The following ATP5MF variants were observed in gnomAD, a reference collection of about 807,000 sequenced individuals.
The protein encoded by ATP5MF is ATP synthase membrane subunit f.
In ATP5MF, 10 loss-of-function variants were observed where a neutral mutation model predicts 13.8. That is an observed-to-expected ratio of 0.72 (90% CI 0.45 to 1.23). The LOEUF is 1.23. Ranked by LOEUF, ATP5MF falls within the 50% of genes most tolerant of loss-of-function variation. The pLI, the probability that ATP5MF is intolerant of heterozygous loss-of-function variation, is 0.00. For missense variants in ATP5MF, 122 were observed against 118.2 expected (o/e 1.03, Z -0.15); for synonymous variants, 40 against 45.8 (o/e 0.87, Z 0.51).
At chr7:99,461,335 G>T (rs1368371684) in intron 1 of ATP5MF, among the ~76,000 whole-genome samples, 2 of 152,184 alleles carry the variant, frequency 1.3e-5, no homozygotes, top group African/African-American at 4.8e-5. Context: ...TCAACCTCCT[G>T]AACAGCTGGG....
intron 3 of ATP5MF, 194 bp downstream of exon 3, chr7:99,458,953 C>T (rs1267133564): frequency 9.0e-6 from 5 of 557,490 alleles, no homozygotes; most frequent in African/African-American, 5.7e-5. Flanking sequence ...CTCTTTGTCA[C>T]AATTTTCTCA....
chr7:99,460,943 A>C (rs1285132300), intron 1 of ATP5MF, among the ~76,000 whole-genome samples: 1 of 152,200 alleles, frequency 6.6e-6, no homozygotes, highest in African/African-American at 2.4e-5. Context: ...ATTTCCAGAG[A>C]TAAAAATAAG....
At chr7:99,459,809 C>G (rs980514255) in intron 2 of ATP5MF, 2 of 392,742 alleles carry the variant, frequency 5.1e-6, no homozygotes, top group African/African-American at 4.2e-5. Context: ...ATTCATTTTC[C>G]TCTTAAAGAA....
intron 1 of ATP5MF, among the ~76,000 whole-genome samples, chr7:99,463,466 T>C (rs544853639): frequency 2.0e-4 from 30 of 152,040 alleles, no homozygotes; most frequent in Non-Finnish European, 4.1e-4. Context: ...ATCTCTATAA[T>C]AAATAAAATA....
At chr7:99,462,477 C>CA (rs1449099967) in intron 1 of ATP5MF, among the ~76,000 whole-genome samples, 3 of 141,696 alleles carry the variant, frequency 2.1e-5, no homozygotes, top group African/African-American at 7.9e-5. Context: ...CAAAAACAAA[C>CA]AAAAACCTAA....
At position 99,466,109 on chromosome 7, in the gene ATP5MF, A is replaced by T; in HGVS notation, c.31+2T>A. ...TCCACCACGGAGTCCAAACAGCCTTACCTGGGGCCGGACACTCACCAACTG... is the reference window on the plus strand; with the variant it reads ...TCCACCACGGAGTCCAAACAGCCTTTCCTGGGGCCGGACACTCACCAACTG... On this transcript the variant is annotated splice_donor_variant, in intron 1 of 3. Coordinates refer to ENST00000292475, the MANE Select transcript of ATP5MF (RefSeq NM_004889.5). LOFTEE classifies it high-confidence loss of function. 5 of 1,614,094 alleles carry T rather than the reference A, an allele frequency of 3.1e-6. No individual in the cohort carries two copies. Among genetic ancestry groups the T allele is most frequent in the Non-Finnish European group, 4.2e-6 (5 of 1,180,004 alleles).
intron 1 of ATP5MF, among the ~76,000 whole-genome samples, chr7:99,462,110 T>C (rs1302410926): frequency 2.0e-5 from 3 of 152,032 alleles, no homozygotes; most frequent in Non-Finnish European, 4.4e-5. Flanking sequence ...CTTGTTTTTC[T>C]TCCTAGTTCT....
chr7:99,461,192 G>T (rs535675926), intron 1 of ATP5MF, among the ~76,000 whole-genome samples: 7 of 152,232 alleles, frequency 4.6e-5, no homozygotes, highest in Non-Finnish European at 7.4e-5. Context: ...TCCCTGCAAA[G>T]ATTTATTTAT....
At chr7:99,461,926 G>A (rs147634222) in intron 1 of ATP5MF, among the ~76,000 whole-genome samples, 11 of 150,916 alleles carry the variant, frequency 7.3e-5, no homozygotes, top group African/African-American at 1.9e-4. Flanking sequence ...CCAAAGTGCT[G>A]GGATTACAGG....
chr7:99,460,419 C>G (rs1231628689), intron 1 of ATP5MF: 1 of 702,906 alleles, frequency 1.4e-6, no homozygotes, highest in Non-Finnish European at 2.6e-6. Context: ...TATTAACCAA[C>G]AGGACGTCTG....
chr7:99,459,447 T>A (rs1252434333), intron 2 of ATP5MF, among the ~76,000 whole-genome samples, 184 bp from the exon 3 acceptor site: 1 of 152,312 alleles, frequency 6.6e-6, no homozygotes, highest in South Asian at 2.1e-4. Flanking sequence ...CTCATCCCCA[T>A]AGCCTGAACT....
At position 99,461,844 on chromosome 7, in the gene ATP5MF, G is replaced by T. The variant is rs529194435; in HGVS notation, c.32-1651C>A. On this transcript the variant is annotated intron_variant, in intron 1 of 3. Transcript: ENST00000292475. ...AGCTAATTTTTGTATTTTTAGTAGA[G>T]ACAGGGTTTCACCATGTTGGCCAGG... Among the ~76,000 whole-genome samples, 25 of 150,984 alleles carry T rather than the reference G, an allele frequency of 1.7e-4. No individual in the cohort carries two copies. In the South Asian group the frequency reaches 4.9e-3, roughly 30 times the overall value.
intron 1 of ATP5MF, among the ~76,000 whole-genome samples, chr7:99,465,272 A>T (rs180779533): frequency 6.6e-6 from 1 of 152,052 alleles, no homozygotes; most frequent in African/African-American, 2.4e-5. Context: ...AAAAAAAATG[A>T]TAAAAAAAAA....
chr7:99,462,903 T>C (rs997764790), intron 1 of ATP5MF, among the ~76,000 whole-genome samples: 2 of 152,240 alleles, frequency 1.3e-5, no homozygotes, highest in African/African-American at 4.8e-5. Flanking sequence ...CCATCTGCAA[T>C]CACTGGGTCA....
intron 1 of ATP5MF, among the ~76,000 whole-genome samples, chr7:99,463,779 A>T (rs958545340): frequency 6.6e-6 from 1 of 152,142 alleles, no homozygotes; most frequent in Non-Finnish European, 1.5e-5. Flanking sequence ...TCCATCTCAA[A>T]AAATAAATAA....
Position 99,460,091 on chromosome 7 carries a change from T to C in ATP5MF, c.134A>G (p.Gln45Arg), listed in dbSNP as rs768219447. Reference sequence around the variant, plus strand: ...GACATCCACAAGGCTCTGACCTCTTTGAAACGCTCCGAAAATGCCACTAGG... The same window carrying C: ...GACATCCACAAGGCTCTGACCTCTTCGAAACGCTCCGAAAATGCCACTAGG... ...FSPSGIFGAF[Q>R]RGYYRYYNKY... The change falls in exon 2 of 4, where the codon CAA (glutamine) becomes CGA (arginine). Residue 45 changes from glutamine (Q) to arginine (R), a missense_variant. Physicochemically the swap from Gln to Arg is conservative, Grantham distance 43 (BLOSUM62 1). Coordinates refer to ENST00000292475, the MANE Select transcript of ATP5MF (RefSeq NM_004889.5). The C allele has an allele frequency of 1.9e-5, 30 of 1,613,068 alleles. No homozygotes were observed. In the African/African-American group the frequency reaches 3.5e-4, roughly 19 times the overall value.
At chr7:99,461,558 G>C (rs1418633744) in intron 1 of ATP5MF, among the ~76,000 whole-genome samples, 2 of 152,054 alleles carry the variant, frequency 1.3e-5, no homozygotes, top group African/African-American at 4.8e-5. Context: ...AGTCTGCTGA[G>C]GGAGGCCAGG....
At position 99,460,191 on chromosome 7, in the gene ATP5MF, G is replaced by C; in HGVS notation, c.34C>G (p.Pro12Ala). The change falls in exon 2 of 4, where the codon CCA becomes GCA. Residue 12 changes from proline (P) to alanine (A), a missense_variant and splice_region_variant. By Grantham distance (27) the Pro-to-Ala change is conservative. Transcript: ENST00000292475. The stretch of plus-strand genomic sequence containing the variant: ...TCCAGAAGTTTCTTGTCCTTCACTG[G>C]TACTGAAACGGAAGAGTGAGAAAAA... The part of the protein sequence containing the change: ...ASVGECPAPV[P>A]VKDKKLLEVK... The C allele has an allele frequency of 6.2e-7, 1 of 1,613,844 alleles. No individual in the cohort carries two copies. Among genetic ancestry groups the C allele is most frequent in the Middle Eastern group, 1.6e-4 (1 of 6,062 alleles).
chr7:99,466,020 CA>C, intron 1 of ATP5MF, 90 bp downstream of exon 1: 3 of 1,599,652 alleles, frequency 1.9e-6, no homozygotes, highest in Non-Finnish European at 2.6e-6. Flanking sequence ...GAGCAAAGGG[CA>C]GGCAGCTCCG....
Sources: allele counts gnomAD v4.1 joint callset (sites outside exome capture counted in the v4.1 genomes callset), GRCh38; gene constraint gnomAD v4.1.1; transcripts MANE v1.5; gene names NCBI Gene and HGNC (gene_info 2026-07-23, HGNC 2026-07-21).